The following PARVG variants were observed in gnomAD, a reference collection of about 807,000 sequenced individuals.
PARVG encodes the protein gamma-parvin.
Under a neutral mutation model 44.4 loss-of-function variants are expected in PARVG, and 36 were observed. The ratio of observed to expected loss-of-function variants is 0.81; its 90% CI spans 0.62 to 1.07. The LOEUF (loss-of-function observed/expected upper bound fraction) is 1.07, where lower values mean the gene tolerates loss of function less well. Among genes scored for constraint, PARVG ranks in the 50% least tolerant of loss-of-function variants. PARVG has a pLI of 0.00. For synonymous variants in PARVG, 170 were observed against 174.1 expected, an observed-to-expected ratio of 0.98 and a Z score of 0.19; for missense variants, 407 against 407.4, an observed-to-expected ratio of 1.00 and a Z score of 0.01.
chr22:44,187,318 C>G, intron 4 of PARVG: 2 of 183,164 alleles, frequency 1.1e-5, no homozygotes, highest in South Asian at 1.2e-4. Flanking sequence ...TCCCCACCTC[C>G]ATCTTCACGT....
At chr22:44,193,704 A>C in intron 8 of PARVG, 97 bp from the exon 9 acceptor site, 3 of 1,497,940 alleles carry the variant, frequency 2.0e-6, no homozygotes, top group Non-Finnish European at 2.7e-6. Context: ...TTTCTTTGCA[A>C]CCTTGCCAGC....
intron 4 of PARVG, chr22:44,186,908 C>A (rs531630644): frequency 2.8e-5 from 9 of 325,984 alleles, no homozygotes; most frequent in African/African-American, 1.9e-4. Flanking sequence ...CCTGCCCCGA[C>A]AACCTCCTGA....
chr22:44,204,246 A>C (rs769247597), intron 12 of PARVG, among the ~76,000 whole-genome samples: 44 of 151,992 alleles, frequency 2.9e-4, no homozygotes, highest in Non-Finnish European at 5.0e-4. Flanking sequence ...CTCCATCTTC[A>C]TGTCCCCACG....
At chr22:44,186,122 G>T in intron 4 of PARVG, 1 of 361,824 alleles carries the variant, frequency 2.8e-6, no homozygotes, top group East Asian at 6.3e-5. Flanking sequence ...TGGGATTTGA[G>T]GGGAATCTAT....
At chr22:44,186,516 AT>A in intron 4 of PARVG, 1 of 469,356 alleles carries the variant, frequency 2.1e-6, no homozygotes, top group Non-Finnish European at 4.4e-6. Context: ...TTTGTGGGCC[AT>A]TTCCCATCCT....
chr22:44,176,456 C>T (rs895567563), upstream of PARVG, among the ~76,000 whole-genome samples: 3 of 151,966 alleles, frequency 2.0e-5, no homozygotes, highest in African/African-American at 7.3e-5. Flanking sequence ...GAATGTGCAA[C>T]CAAGGATATG....
chr22:44,198,709 C>G lies in PARVG; in HGVS notation c.800C>G (p.Ser267Cys), dbSNP rs2054652054. The G allele has an allele frequency of 2.5e-6, 4 of 1,609,794 alleles. No individual in the cohort carries two copies. The highest frequency in any genetic ancestry group is 3.4e-6 in the Non-Finnish European group (4 of 1,176,094). The change falls in exon 12 of 14, where the codon TCT (serine) becomes TGT (cysteine). Residue 267 changes from serine to cysteine, a missense_variant. By Grantham distance (112) the Ser-to-Cys change is moderately radical. Transcript: ENST00000444313. ...HLKEFYLTPN[S>C]PAEMLHNVTL... ...AAGGAATTCTACCTCACTCCCAACTCTCCTGCAGAAATGGTAAGTTTTCCA... is the reference window on the plus strand; with the variant it reads ...AAGGAATTCTACCTCACTCCCAACTGTCCTGCAGAAATGGTAAGTTTTCCA...
intron 12 of PARVG, among the ~76,000 whole-genome samples, chr22:44,201,426 G>A (rs534616570): frequency 6.6e-6 from 1 of 152,182 alleles, no homozygotes; most frequent in Admixed American, 6.5e-5. Flanking sequence ...AGCCTGCCAT[G>A]TCCCTCGCCC....
At chr22:44,178,834 T>TGGCTTCAACTTGGTGAAG (rs1319732374), upstream of PARVG, among the ~76,000 whole-genome samples, 1 of 152,114 alleles carries the variant, frequency 6.6e-6, no homozygotes, top group South Asian at 2.1e-4. Context: ...CTTGGTGAAG[T>TGGCTTCAACTTGGTGAAG]TTGAATGTGG....
At chr22:44,198,345 G>A (rs2054645482) in intron 11 of PARVG, among the ~76,000 whole-genome samples, 1 of 152,206 alleles carries the variant, frequency 6.6e-6, no homozygotes, top group African/African-American at 2.4e-5. Flanking sequence ...TCTGTAGCTT[G>A]TGGAAGAGCG....
At chr22:44,179,780 A>AGAG (rs953058412), upstream of PARVG, among the ~76,000 whole-genome samples, 5 of 152,226 alleles carry the variant, frequency 3.3e-5, no homozygotes, top group African/African-American at 1.2e-4. This position sits in a 1 kb window ranked among gnomAD's most constrained non-coding sequence, Gnocchi z 4.2. Flanking sequence ...GCCGATGATT[A>AGAG]GAGTCTCTTC....
At position 44,196,145 on chromosome 22, in the gene PARVG, G is replaced by C. The variant is rs375696885; in HGVS notation, c.584-10G>C. On this transcript the variant is annotated splice_polypyrimidine_tract_variant and intron_variant, in intron 9 of 13. Transcript: ENST00000444313. ...TCGTAATGAGGTGTTTATTGGATCT[G>C]TGTCTGCAGAGGACGTCTTTGATGA... 32 of 1,614,146 alleles carry C rather than the reference G, an allele frequency of 2.0e-5. No homozygotes were observed. In the African/African-American group the frequency reaches 4.1e-4, roughly 21 times the overall value.
At chr22:44,186,877 G>A (rs963571629) in intron 4 of PARVG, 4 of 347,664 alleles carry the variant, frequency 1.2e-5, no homozygotes, top group Non-Finnish European at 2.3e-5. Flanking sequence ...GATGGAGCTG[G>A]GGTATTTATA....
intron 4 of PARVG, 116 bp from the exon 5 acceptor site, chr22:44,187,660 C>G: frequency 2.1e-6 from 2 of 930,310 alleles, no homozygotes; most frequent in Non-Finnish European, 3.4e-6. Flanking sequence ...TGACATTTGA[C>G]CAGGCCTTGA....
intron 9 of PARVG, among the ~76,000 whole-genome samples, chr22:44,194,640 A>T (rs960801527): frequency 1.3e-5 from 2 of 151,230 alleles, no homozygotes; most frequent in African/African-American, 4.9e-5. Context: ...CTGTCCATCC[A>T]TCCATCCACC....
Position 44,181,079 on chromosome 22 carries a change from C to T in PARVG, c.-295C>T. The T allele has an allele frequency of 6.7e-6, 5 of 743,286 alleles. No individual in the cohort carries two copies. The highest frequency in any genetic ancestry group is 6.3e-5 in the Admixed American group (1 of 15,962). The allele number at this position is 743,286 out of a possible 1,614,324, so 46.0% of individuals were successfully genotyped here. Reference sequence around the variant, plus strand: ...CCACTGCAAACTCCTATGCAGCCGTCAAGGCCCCATTCTCCTCTGGAAAGC... The same window carrying T: ...CCACTGCAAACTCCTATGCAGCCGTTAAGGCCCCATTCTCCTCTGGAAAGC... On this transcript the variant is annotated 5_prime_UTR_variant, in exon 1 of 14. Transcript: ENST00000444313.
chr22:44,186,954 C>A, intron 4 of PARVG: 1 of 296,178 alleles, frequency 3.4e-6, no homozygotes, highest in Non-Finnish European at 6.8e-6. Flanking sequence ...TGAGAAAGGG[C>A]TGGGCCTTGA....
rs1230126919 is a variant in PARVG at position 44,198,765 on chromosome 22, G to A, written c.813+43G>A. On this transcript the variant is annotated intron_variant, in intron 12 of 13. Transcript: ENST00000444313. ...TTTTCTTTATGGTCTACCTCTAGGTGAACAGATATACAGAACTGGCATGAC... is the reference window on the plus strand; with the variant it reads ...TTTTCTTTATGGTCTACCTCTAGGTAAACAGATATACAGAACTGGCATGAC... 9 of 1,443,408 alleles carry A rather than the reference G, an allele frequency of 6.2e-6. No individual in the cohort carries two copies. In the African/African-American group the frequency reaches 1.1e-4, roughly 18 times the overall value. The allele number at this position is 1,443,408 out of a possible 1,614,324, so 89.4% of individuals were successfully genotyped here. A position where few individuals can be genotyped will look rare whatever the true frequency, so the allele number is the denominator to read the frequency against.
At chr22:44,177,146 CTCTT>C (rs548278584), upstream of PARVG, among the ~76,000 whole-genome samples, 1 of 152,280 alleles carries the variant, frequency 6.6e-6, no homozygotes, top group South Asian at 2.1e-4. Context: ...CCTCTTCACT[CTCTT>C]TCTGTCCCTG....
Sources: allele counts gnomAD v4.1 joint callset (sites outside exome capture counted in the v4.1 genomes callset), GRCh38; gene constraint gnomAD v4.1.1; non-coding constraint Gnocchi (gnomAD v3.1); transcripts MANE v1.5; gene names NCBI Gene and HGNC (gene_info 2026-07-23, HGNC 2026-07-21).